Variants in DPH6 observed in about 807,000 individuals in gnomAD.
DPH6 encodes diphthamine biosynthesis 6.
DPH6 carries 33 observed loss-of-function variants against 38.2 expected under a neutral mutation model. The ratio of observed to expected loss-of-function variants is 0.86; its 90% CI spans 0.65 to 1.15. The LOEUF is 1.15. Among genes scored for constraint, DPH6 ranks in the 50% most tolerant of loss-of-function variants. The probability of loss-of-function intolerance (pLI) is 0.00; values close to 1 mark genes in which losing one functional copy is unlikely to be tolerated. For missense variants in DPH6, 325 were observed against 320.0 expected (o/e 1.02, Z -0.12); for synonymous variants, 108 against 103.0 (o/e 1.05, Z -0.30).
intron 3 of DPH6, among the ~76,000 whole-genome samples, chr15:35,469,220 C>A (rs922133079): frequency 3.3e-5 from 5 of 152,090 alleles, no homozygotes; most frequent in Non-Finnish European, 5.9e-5. Flanking sequence ...CTGAGACAAG[C>A]ATGATAACAT....
chr15:35,398,916 A>C (rs1224927608), intron 6 of DPH6, among the ~76,000 whole-genome samples: 2 of 152,142 alleles, frequency 1.3e-5, no homozygotes, highest in Non-Finnish European at 2.9e-5. Context: ...CTGGTGTCAC[A>C]AGTGTTGTGT....
At chr15:35,161,055 G>C in the DPH6 span, among the ~76,000 whole-genome samples, 1 of 152,014 alleles carries the variant, frequency 6.6e-6, no homozygotes, top group East Asian at 1.9e-4. Context: ...ACGAGTTAAT[G>C]GGTGCAGCAC....
intron 3 of DPH6, among the ~76,000 whole-genome samples, chr15:35,278,162 C>G (rs535080144): frequency 6.6e-6 from 1 of 152,192 alleles, no homozygotes; most frequent in Non-Finnish European, 1.5e-5. Flanking sequence ...CCAGAAGCCT[C>G]GGATGAAAGA....
intron 3 of DPH6, among the ~76,000 whole-genome samples, chr15:35,320,517 A>T (rs1321384184): frequency 6.6e-6 from 1 of 152,238 alleles, no homozygotes; most frequent in Non-Finnish European, 1.5e-5. Flanking sequence ...TATGTAAGAA[A>T]GCCAACTGCT....
the DPH6 span, among the ~76,000 whole-genome samples, chr15:35,160,158 T>C: frequency 2.2e-4 from 33 of 151,888 alleles, no homozygotes; most frequent in African/African-American, 7.3e-4. Context: ...TTGCAGCAAA[T>C]ATGCACATGC....
intron 3 of DPH6, among the ~76,000 whole-genome samples, chr15:35,514,844 G>A (rs1163247955): frequency 6.6e-6 from 1 of 152,110 alleles, no homozygotes; most frequent in Non-Finnish European, 1.5e-5. Flanking sequence ...GCAATACTGA[G>A]CCTTCAAAAA....
intron 3 of DPH6, among the ~76,000 whole-genome samples, chr15:35,517,170 T>A (rs1163044901): frequency 6.6e-6 from 1 of 152,070 alleles, no homozygotes; most frequent in Non-Finnish European, 1.5e-5. Context: ...AAGAAGAATT[T>A]TTTTTGGAGG....
At chr15:35,293,765 T>C (rs2051995686) in intron 3 of DPH6, among the ~76,000 whole-genome samples, 1 of 152,188 alleles carries the variant, frequency 6.6e-6, no homozygotes, top group East Asian at 1.9e-4. Flanking sequence ...AGGTGGTGGA[T>C]GTGAAAGGAA....
In DPH6 at chr15:35,319,495, CT is replaced by C. The variant is rs761072384; in HGVS notation, n.200+54025del. On this transcript the variant is annotated intron_variant and non_coding_transcript_variant, in intron 3 of 3. Transcript: ENST00000560386. ...GTGAGTCATGCCTGTAATCCCAGCA[CT>C]TCTGGAGGCCGAGGCAGACGGATCG... 6.6e-5 allele frequency among the ~76,000 whole-genome samples: 10 copies of C among 152,226 alleles called. No individual in the cohort carries two copies. In the East Asian group the frequency reaches 1.5e-3, roughly 24 times the overall value.
chr15:35,316,443 A>G (rs1337216278), intron 3 of DPH6, among the ~76,000 whole-genome samples: 2 of 152,202 alleles, frequency 1.3e-5, no homozygotes, highest in Non-Finnish European at 2.9e-5. Context: ...ACTGAAAAGC[A>G]ACCTGAAACT....
chr15:35,430,393 GAA>G (rs562833474), intron 5 of DPH6, among the ~76,000 whole-genome samples: 3 of 137,662 alleles, frequency 2.2e-5, no homozygotes, highest in African/African-American at 5.2e-5. Context: ...CCTTCATACT[GAA>G]AAAAAAAAAA....
intron 6 of DPH6, among the ~76,000 whole-genome samples, chr15:35,407,316 T>G (rs1045439401): frequency 6.6e-6 from 1 of 151,896 alleles, no homozygotes; most frequent in Non-Finnish European, 1.5e-5. Flanking sequence ...TATAGCAAAT[T>G]GTAAACTCTT....
intron 3 of DPH6, among the ~76,000 whole-genome samples, chr15:35,244,208 A>C (rs910907470): frequency 6.6e-6 from 1 of 152,246 alleles, no homozygotes; most frequent in Non-Finnish European, 1.5e-5. Flanking sequence ...ATAATTCATA[A>C]CATAATCAGA....
At chr15:35,378,029 CT>C (rs2140932590) in intron 7 of DPH6, among the ~76,000 whole-genome samples, 1 of 152,118 alleles carries the variant, frequency 6.6e-6, no homozygotes, top group East Asian at 1.9e-4. Context: ...GCCACTGCAC[CT>C]GGCATAATAA....
At chr15:35,474,081 T>C (rs2054235369) in intron 3 of DPH6, among the ~76,000 whole-genome samples, 1 of 152,108 alleles carries the variant, frequency 6.6e-6, no homozygotes, top group Admixed American at 6.6e-5. Context: ...GATATACCTA[T>C]GAACATTGTG....
chr15:35,237,021 GT>G, intron 3 of DPH6: 1 of 342,812 alleles, frequency 2.9e-6, no homozygotes, highest in Non-Finnish European at 5.3e-6. Flanking sequence ...GTTGAAGGAA[GT>G]TTTATACTGT....
chr15:35,280,778 T>C (rs1037784667), intron 3 of DPH6, among the ~76,000 whole-genome samples: 3 of 152,174 alleles, frequency 2.0e-5, no homozygotes, highest in African/African-American at 7.2e-5. Flanking sequence ...TTATGAAGTC[T>C]CTCAATTTTA....
At chr15:35,183,349 T>C in the DPH6 span, among the ~76,000 whole-genome samples, 1 of 152,206 alleles carries the variant, frequency 6.6e-6, no homozygotes, top group Non-Finnish European at 1.5e-5. Context: ...TACAGCACAA[T>C]GCTTGGCTGC....
chr15:35,279,205 G>C (rs1171632243), intron 3 of DPH6, among the ~76,000 whole-genome samples: 1 of 151,750 alleles, frequency 6.6e-6, no homozygotes, highest in Admixed American at 6.6e-5. Context: ...CCCAATAAGT[G>C]CACCACCATT....
Sources: allele counts gnomAD v4.1 joint callset (sites outside exome capture counted in the v4.1 genomes callset), GRCh38; gene constraint gnomAD v4.1.1; transcripts MANE v1.5; gene names NCBI Gene and HGNC (gene_info 2026-07-23, HGNC 2026-07-21).